YPEL2: variants seen among roughly 807,000 people sequenced by gnomAD.
The protein encoded by YPEL2 is protein yippee-like 2.
A neutral mutation model predicts 19.1 loss-of-function variants in YPEL2; 2 were observed. The observed-to-expected ratio is 0.10, with a 90% CI of 0.04 to 0.33. YPEL2 has a LOEUF of 0.33. Among genes scored for constraint, YPEL2 ranks in the 10% least tolerant of loss-of-function variants. The pLI is 1.00. For missense variants in YPEL2, 66 were observed against 140.7 expected (o/e 0.47, Z 2.68); for synonymous variants, 52 against 50.0 (o/e 1.04, Z -0.17).
At chr17:59,389,550 C>A in intron 4 of YPEL2, 82 bp downstream of exon 4, 1 of 1,064,558 alleles carries the variant, frequency 9.4e-7, no homozygotes, top group Non-Finnish European at 1.4e-6. Context: ...CTTCTACTCG[C>A]TTTCCATGGC....
At chr17:59,342,496 T>A (rs2147935214) in intron 1 of YPEL2, among the ~76,000 whole-genome samples, 1 of 152,314 alleles carries the variant, frequency 6.6e-6, no homozygotes, top group South Asian at 2.1e-4. Flanking sequence ...AAGACCTTCT[T>A]TTCTTCCTAG....
At chr17:59,365,509 C>A (rs2047864123) in intron 2 of YPEL2, among the ~76,000 whole-genome samples, 1 of 152,190 alleles carries the variant, frequency 6.6e-6, no homozygotes, top group Non-Finnish European at 1.5e-5. Context: ...AAGAGAAGTC[C>A]CTGGCCTGGA....
At chr17:59,391,297 T>G (rs1311034843) in intron 4 of YPEL2, among the ~76,000 whole-genome samples, 5 of 152,162 alleles carry the variant, frequency 3.3e-5, no homozygotes. Context: ...TGTTCTAATC[T>G]GGTGTGGGAT....
chr17:59,338,887 C>T (rs761091132), intron 1 of YPEL2, among the ~76,000 whole-genome samples: 19 of 152,266 alleles, frequency 1.2e-4, no homozygotes, highest in Middle Eastern at 3.4e-3. Flanking sequence ...GTAACAAAAA[C>T]AAGAAAATAG....
chr17:59,396,975 G>A, intron 4 of YPEL2, 126 bp from the exon 5 acceptor site: 1 of 590,056 alleles, frequency 1.7e-6, no homozygotes, highest in South Asian at 2.4e-5. Context: ...AGATTGCAGT[G>A]AGTGGAGATT....
chr17:59,342,930 G>A (rs961804045), intron 1 of YPEL2, among the ~76,000 whole-genome samples: 10 of 152,278 alleles, frequency 6.6e-5, no homozygotes, highest in East Asian at 1.9e-4. Flanking sequence ...GTCCCTGCCC[G>A]CCTGGGAGGG....
chr17:59,368,132 A>G (rs1241399919), intron 2 of YPEL2, among the ~76,000 whole-genome samples: 3 of 152,180 alleles, frequency 2.0e-5, no homozygotes, highest in East Asian at 1.9e-4. Flanking sequence ...TGCCCAGGCT[A>G]GAGTACAGAG....
intron 2 of YPEL2, among the ~76,000 whole-genome samples, chr17:59,376,949 C>CAAAAAAAAAAAAA (rs59030676): frequency 2.1e-5 from 1 of 48,542 alleles, no homozygotes; most frequent in Non-Finnish European, 4.5e-5. Context: ...CACACTGTCT[C>CAAAAAAAAAAAAA]AAAAAAAAAA....
At chr17:59,350,516 C>G (rs1431520604) in intron 1 of YPEL2, among the ~76,000 whole-genome samples, 2 of 152,162 alleles carry the variant, frequency 1.3e-5, no homozygotes, top group African/African-American at 4.8e-5. Flanking sequence ...CAGCCTGGGC[C>G]ATTGCTTATA....
At position 59,389,452 on chromosome 17, in the gene YPEL2, C is replaced by T; in HGVS notation, c.254C>T (p.Thr85Ile). The change falls in exon 4 of 5, where the codon ACT becomes ATT. Residue 85 changes from threonine to isoleucine, a missense_variant. Thr to Ile is a moderately conservative substitution (Grantham distance 89). Transcript: ENST00000312655. ...ATTTACTGTGAAAACTGCAAAACCA[C>T]TCTGGGCTGGAAATACGTAAGTATA... ...ADIYCENCKT[T>I]LGWKYEHAFE... is the part of the protein sequence containing the mutation. 1 of 1,613,734 alleles carries T rather than the reference C, an allele frequency of 6.2e-7. No individual in the cohort carries two copies. Among genetic ancestry groups the T allele is most frequent in the Non-Finnish European group, 8.5e-7 (1 of 1,179,950 alleles).
intron 3 of YPEL2, chr17:59,389,119 A>ACT: frequency 3.9e-6 from 2 of 516,366 alleles, no homozygotes; most frequent in Admixed American, 6.2e-5. Flanking sequence ...TTTTAAGCAA[A>ACT]CTCTCAACCA....
At chr17:59,388,841 C>T (rs550391940) in intron 3 of YPEL2, 2 of 194,106 alleles carry the variant, frequency 1.0e-5, no homozygotes, top group South Asian at 2.4e-4. Flanking sequence ...GAAGGTGAAG[C>T]CTACATAAGC....
At chr17:59,352,207 G>A (rs974060915) in intron 1 of YPEL2, among the ~76,000 whole-genome samples, 3 of 152,192 alleles carry the variant, frequency 2.0e-5, no homozygotes, top group African/African-American at 7.2e-5. Flanking sequence ...GCTCTCCTGG[G>A]AGGTAGGCAA....
At chr17:59,349,106 A>G (rs62083334) in intron 1 of YPEL2, among the ~76,000 whole-genome samples, 18 of 143,830 alleles carry the variant, frequency 1.3e-4, no homozygotes, top group South Asian at 7.0e-4. Flanking sequence ...CCCGGGAGGC[A>G]GAGCTTGCAG....
intron 3 of YPEL2, 60 bp downstream of exon 3, chr17:59,388,430 C>G: frequency 6.5e-7 from 1 of 1,535,636 alleles, no homozygotes. Flanking sequence ...TGGGAAAAAG[C>G]AATCCTTGGT....
chr17:59,391,108 G>A (rs2048005268), intron 4 of YPEL2, among the ~76,000 whole-genome samples: 1 of 152,122 alleles, frequency 6.6e-6, no homozygotes, highest in African/African-American at 2.4e-5. Context: ...TGAGGATACT[G>A]AAAAGTTGGT....
chr17:59,383,236 C>T (rs112349323), intron 2 of YPEL2, among the ~76,000 whole-genome samples: 14 of 151,804 alleles, frequency 9.2e-5, no homozygotes, highest in African/African-American at 3.4e-4. Flanking sequence ...AATAGTCATA[C>T]GAGTTTTAAC....
intron 1 of YPEL2, among the ~76,000 whole-genome samples, chr17:59,337,718 C>T (rs1219575170): frequency 3.9e-5 from 6 of 152,050 alleles, no homozygotes; most frequent in Admixed American, 6.6e-5. Flanking sequence ...TAGTGTTAAC[C>T]TTGTAATTTT....
chr17:59,377,055 T>C (rs1320864373), intron 2 of YPEL2, among the ~76,000 whole-genome samples: 3 of 151,994 alleles, frequency 2.0e-5, no homozygotes, highest in Non-Finnish European at 1.5e-5. Context: ...AGGGTGGCTT[T>C]CTCAGGCCTT....
Sources: allele counts gnomAD v4.1 joint callset (sites outside exome capture counted in the v4.1 genomes callset), GRCh38; gene constraint gnomAD v4.1.1; transcripts MANE v1.5; gene names NCBI Gene and HGNC (gene_info 2026-07-23, HGNC 2026-07-21).